The following SYNDIG1 variants were observed in gnomAD, a reference collection of about 807,000 sequenced individuals.
The protein encoded by SYNDIG1 is synapse differentiation inducing 1, also known as synapse differentiation-inducing gene protein 1.
In SYNDIG1, 9 loss-of-function variants were observed where a neutral mutation model predicts 19.4. The observed-to-expected ratio is 0.46, with a 90% confidence interval of 0.28 to 0.81. The LOEUF is 0.81. Among genes scored for constraint, SYNDIG1 ranks in the 30% least tolerant of loss-of-function variants. SYNDIG1 has a pLI of 0.12. For missense variants in SYNDIG1, 311 were observed against 343.3 expected (o/e 0.91, Z 0.74); for synonymous variants, 141 against 145.9 (o/e 0.97, Z 0.24).
intron 3 of SYNDIG1, among the ~76,000 whole-genome samples, chr20:24,651,463 G>C (rs1189818052): frequency 2.0e-5 from 3 of 152,184 alleles, no homozygotes; most frequent in African/African-American, 7.2e-5. Context: ...GGCAAAGGCA[G>C]AGAAACGACC....
At chr20:24,548,362 T>C (rs900370517) in intron 2 of SYNDIG1, among the ~76,000 whole-genome samples, 8 of 152,368 alleles carry the variant, frequency 5.3e-5, no homozygotes, top group African/African-American at 1.9e-4. Flanking sequence ...ACTTCACTTC[T>C]GTGAACTCTC....
intron 1 of SYNDIG1, among the ~76,000 whole-genome samples, chr20:24,524,308 T>C (rs2146565169): frequency 6.6e-6 from 1 of 152,308 alleles, no homozygotes; most frequent in African/African-American, 2.4e-5. Context: ...CTCCTTCTTC[T>C]CGCCTTTGGT....
At chr20:24,561,584 T>G (rs1037084407) in intron 2 of SYNDIG1, among the ~76,000 whole-genome samples, 2 of 152,248 alleles carry the variant, frequency 1.3e-5, no homozygotes, top group Non-Finnish European at 2.9e-5. Context: ...AGACTCCCAC[T>G]GTTACTACTC....
chr20:24,656,978 C>T (rs2059531740), intron 3 of SYNDIG1, among the ~76,000 whole-genome samples: 1 of 152,178 alleles, frequency 6.6e-6, no homozygotes, highest in Non-Finnish European at 1.5e-5. Flanking sequence ...TGTGTGGCCC[C>T]TCCTATCCCT....
At chr20:24,650,003 A>G (rs2059454575) in intron 3 of SYNDIG1, among the ~76,000 whole-genome samples, 1 of 152,232 alleles carries the variant, frequency 6.6e-6, no homozygotes, top group Non-Finnish European at 1.5e-5. Context: ...AAACAGATGG[A>G]TCGCATGGGC....
chr20:24,643,516 G>A (rs1428723147), intron 3 of SYNDIG1, among the ~76,000 whole-genome samples: 1 of 152,208 alleles, frequency 6.6e-6, no homozygotes, highest in Admixed American at 6.5e-5. Flanking sequence ...CTAGAGTGCT[G>A]TGCTTATGTG....
At chr20:24,528,476 C>T (rs1365897922) in intron 1 of SYNDIG1, among the ~76,000 whole-genome samples, 2 of 152,198 alleles carry the variant, frequency 1.3e-5, no homozygotes, top group African/African-American at 2.4e-5. Flanking sequence ...GGAAGTCCAA[C>T]ATTGAAGTGC....
At chr20:24,611,918 C>T (rs1490053277) in intron 3 of SYNDIG1, among the ~76,000 whole-genome samples, 1 of 152,214 alleles carries the variant, frequency 6.6e-6, no homozygotes, top group African/African-American at 2.4e-5. Flanking sequence ...ATACAGGGAA[C>T]ACCAAACCCT....
chr20:24,535,387 C>T (rs552545515), intron 1 of SYNDIG1, among the ~76,000 whole-genome samples: 6 of 152,202 alleles, frequency 3.9e-5, no homozygotes, highest in Non-Finnish European at 5.9e-5. Flanking sequence ...AGTTCCTTCC[C>T]AAATGGAAGG....
At chr20:24,577,253 A>G (rs1426783988) in intron 2 of SYNDIG1, among the ~76,000 whole-genome samples, 1 of 152,178 alleles carries the variant, frequency 6.6e-6, no homozygotes, top group Non-Finnish European at 1.5e-5. Context: ...CCTGACTTCA[A>G]GTAAAGGAGA....
chr20:24,569,659 A>G (rs984346225), intron 2 of SYNDIG1, among the ~76,000 whole-genome samples: 3 of 152,232 alleles, frequency 2.0e-5, no homozygotes, highest in African/African-American at 4.8e-5. Context: ...CCAGCTTTCT[A>G]TTAAAAAATC....
chr20:24,594,590 G>A (rs78152839), intron 3 of SYNDIG1, among the ~76,000 whole-genome samples: 4,669 of 152,214 alleles, frequency 0.031, 155 homozygotes, highest in African/African-American at 0.084. Context: ...TGATAGGAAT[G>A]GCACTAGATC....
intron 1 of SYNDIG1, among the ~76,000 whole-genome samples, chr20:24,516,267 C>T (rs2056861786): frequency 6.6e-6 from 1 of 152,296 alleles, no homozygotes; most frequent in African/African-American, 2.4e-5. Context: ...AGGACATAGG[C>T]ATGGGTAAGG....
rs755931507 is a variant in SYNDIG1 at position 24,662,469 on chromosome 20, G to A, written c.619-2877G>A. On this transcript the variant is annotated intron_variant, in intron 3 of 3. Coordinates refer to ENST00000376862, the MANE Select transcript of SYNDIG1 (RefSeq NM_024893.3). ...CAGGTTGCAGGACATCTCCCTTGGG[G>A]GCTACGTCTGATGCCCTGCAGCCAG... 2.0e-4 allele frequency among the ~76,000 whole-genome samples: 31 copies of A among 152,064 alleles called. 1 individual carries two copies. The highest frequency in any genetic ancestry group is 6.5e-4 in the Admixed American group (10 of 15,270).
In SYNDIG1 at chr20:24,543,553, G is replaced by A; in HGVS notation, c.456G>A (p.Glu152=). The part of the protein sequence containing the change: ...KIHTLSYDVE[E]EEEFQELESD... ...ACACCCTGTCCTACGATGTGGAGGA[G>A]GAGGAGGAGTTCCAGGAGCTGGAGG... is the stretch of plus-strand genomic sequence containing the variant. Residue 152 remains glutamate (E), a synonymous_variant, in exon 2 of 4, where the codon GAG becomes GAA. Coordinates refer to ENST00000376862, the MANE Select transcript of SYNDIG1 (RefSeq NM_024893.3). 2 of 1,602,086 alleles carry A rather than the reference G, an allele frequency of 1.2e-6. No individual in the cohort carries two copies. The highest frequency in any genetic ancestry group is 1.7e-6 in the Non-Finnish European group (2 of 1,179,274).
At chr20:24,604,747 CTTTT>C (rs2058728917) in intron 3 of SYNDIG1, among the ~76,000 whole-genome samples, 1 of 152,126 alleles carries the variant, frequency 6.6e-6, no homozygotes, top group Non-Finnish European at 1.5e-5. Flanking sequence ...TATTCCTTTA[CTTTT>C]TTAATAAACT....
At chr20:24,501,106 T>A (rs1047021509) in intron 1 of SYNDIG1, among the ~76,000 whole-genome samples, 1 of 152,264 alleles carries the variant, frequency 6.6e-6, no homozygotes, top group Non-Finnish European at 1.5e-5. Flanking sequence ...TCTATCTACT[T>A]ATCTACCTAT....
intron 3 of SYNDIG1, among the ~76,000 whole-genome samples, chr20:24,590,368 CTT>C (rs1410359606): frequency 6.6e-6 from 1 of 152,108 alleles, no homozygotes; most frequent in African/African-American, 2.4e-5. Context: ...CCCCGAGACT[CTT>C]TAGGCTGTGA....
chr20:24,664,662 T>G (rs1197223532), intron 3 of SYNDIG1, among the ~76,000 whole-genome samples: 1 of 152,206 alleles, frequency 6.6e-6, no homozygotes, highest in African/African-American at 2.4e-5. Flanking sequence ...CATTGAGCAC[T>G]CAGGAATATA....
Sources: gnomAD v4.1 joint callset for allele counts (sites outside exome capture counted in the v4.1 genomes callset) on GRCh38, gnomAD v4.1.1 for gene constraint, MANE v1.5 for transcripts, NCBI Gene and HGNC (gene_info 2026-07-23, HGNC 2026-07-21) for gene names.